Variants in DYM observed in about 807,000 individuals in gnomAD.
DYM encodes the protein dymeclin, also known as dyggve-Melchior-Clausen syndrome protein.
In DYM, 78 loss-of-function variants were observed where a neutral mutation model predicts 93.1. That is an observed-to-expected ratio of 0.84 (90% CI 0.70 to 1.01). The LOEUF (loss-of-function observed/expected upper bound fraction) is 1.01, where lower values mean the gene tolerates loss of function less well. Ranked by LOEUF, DYM falls within the 50% of genes least tolerant of loss-of-function variation. DYM has a pLI of 0.00. For synonymous variants in DYM, 321 were observed against 319.7 expected, an observed-to-expected ratio of 1.00 and a Z score of -0.04; for missense variants, 789 against 845.0, an observed-to-expected ratio of 0.93 and a Z score of 0.82.
intron 16 of DYM, among the ~76,000 whole-genome samples, chr18:49,108,354 C>T (rs910525942): frequency 3.3e-5 from 5 of 152,226 alleles, no homozygotes; most frequent in South Asian, 2.1e-4. Context: ...TTGTGCTTCC[C>T]GGGTGAGGCA....
intron 8 of DYM, among the ~76,000 whole-genome samples, chr18:49,292,347 G>GACACACACACAC (rs1389526313): frequency 2.9e-5 from 2 of 68,388 alleles, no homozygotes; most frequent in African/African-American, 8.4e-5. Context: ...CAGACAGACA[G>GACACACACACAC]ACAGACAGAC....
chr18:49,267,547 G>A (rs1375201053), intron 11 of DYM, among the ~76,000 whole-genome samples: 1 of 152,174 alleles, frequency 6.6e-6, no homozygotes, highest in African/African-American at 2.4e-5. Context: ...CTATTCAAGA[G>A]CAAGATGAGC....
In DYM at chr18:49,421,458, A is replaced by T. The variant is rs531749043; in HGVS notation, c.140+8797T>A. Among the ~76,000 whole-genome samples, 13 of 152,148 alleles carry T rather than the reference A, an allele frequency of 8.5e-5. No homozygotes were observed. The South Asian group carries it at 2.1e-3, about 24-fold the overall frequency. ...GGTCCTGACTGTTAGAAGGAAAACT[A>T]ACAAACAGAAAGGACATCCACACCA... On this transcript the variant is annotated intron_variant, in intron 2 of 17. Transcript: ENST00000675505.
chr18:49,243,404 C>G (rs1033772565), intron 13 of DYM, among the ~76,000 whole-genome samples: 1 of 152,126 alleles, frequency 6.6e-6, no homozygotes, highest in Non-Finnish European at 1.5e-5. Flanking sequence ...GTGGCTCACG[C>G]TTGTAATATG....
chr18:49,121,681 C>CA (rs1402544557), intron 15 of DYM, among the ~76,000 whole-genome samples: 7 of 151,928 alleles, frequency 4.6e-5, no homozygotes, highest in Non-Finnish European at 8.8e-5. Context: ...CAAAACAAAA[C>CA]AAAAAAACCC....
rs182181967 is a variant in DYM, at chr18:49,459,776, G to A, written c.-54+622C>T. On this transcript the variant is annotated intron_variant, in intron 1 of 17. Coordinates refer to ENST00000675505, the MANE Select transcript of DYM (RefSeq NM_001353214.3). ...ACCAATACCCTCAAACCCCACTACTGCCCCCAGTTCACAAACACCCACCCT... is the reference window on the plus strand; with the variant it reads ...ACCAATACCCTCAAACCCCACTACTACCCCCAGTTCACAAACACCCACCCT... Among the ~76,000 whole-genome samples, 574 of 152,034 alleles carry A rather than the reference G, an allele frequency of 3.8e-3. 2 individuals are homozygous for A. The highest frequency in any genetic ancestry group is 6.3e-3 in the Non-Finnish European group (430 of 67,986).
chr18:49,239,592 T>C (rs2093964500), intron 13 of DYM, among the ~76,000 whole-genome samples: 1 of 152,222 alleles, frequency 6.6e-6, no homozygotes, highest in African/African-American at 2.4e-5. Flanking sequence ...ATGTCCCCTC[T>C]TGGGAACCTG....
chr18:49,085,364 G>A (rs972091103), intron 17 of DYM, among the ~76,000 whole-genome samples: 5 of 152,234 alleles, frequency 3.3e-5, no homozygotes, highest in African/African-American at 1.2e-4. Context: ...ATGCTTTGAT[G>A]TGCAAAGATC....
chr18:49,216,313 T>G (rs1043394457), intron 13 of DYM, among the ~76,000 whole-genome samples: 1 of 152,196 alleles, frequency 6.6e-6, no homozygotes, highest in African/African-American at 2.4e-5. Context: ...AGGCTCCACC[T>G]CTGGGGGCAA....
chr18:49,353,430 G>A (rs1484358954), intron 6 of DYM, among the ~76,000 whole-genome samples: 1 of 151,900 alleles, frequency 6.6e-6, no homozygotes, highest in Non-Finnish European at 1.5e-5. Flanking sequence ...GATAATACAA[G>A]TAAGAAGAGA....
intron 1 of DYM, among the ~76,000 whole-genome samples, chr18:49,435,633 C>G (rs1019538573): frequency 4.0e-5 from 6 of 151,796 alleles, no homozygotes; most frequent in African/African-American, 1.5e-4. Context: ...ACTAAAAATA[C>G]AAAAAATTAG....
intron 1 of DYM, among the ~76,000 whole-genome samples, chr18:49,436,208 G>A (rs933583484): frequency 1.3e-4 from 19 of 151,996 alleles, no homozygotes; most frequent in African/African-American, 1.9e-4. Context: ...AGAGATGGGC[G>A]TCTTGCTATG....
intron 15 of DYM, among the ~76,000 whole-genome samples, chr18:49,144,066 A>T (rs931824991): frequency 1.3e-5 from 2 of 152,174 alleles, no homozygotes; most frequent in Admixed American, 6.5e-5. Context: ...ATTAGGTTTT[A>T]AAAAAAGTTT....
intron 2 of DYM, among the ~76,000 whole-genome samples, chr18:49,418,568 G>A (rs986048153): frequency 2.0e-5 from 3 of 152,112 alleles, no homozygotes; most frequent in Admixed American, 1.3e-4. Context: ...GATTAGATTC[G>A]TCCTAAAGGC....
At chr18:49,271,683 T>A (rs56205725) in intron 11 of DYM, among the ~76,000 whole-genome samples, 56,086 of 150,538 alleles carry the variant, frequency 0.37, 12,391 homozygotes, top group Middle Eastern at 0.58. Context: ...AAAAATAAAA[T>A]AAAAAAATGC....
chr18:49,170,093 C>G (rs1181555163), intron 14 of DYM, among the ~76,000 whole-genome samples: 1 of 152,126 alleles, frequency 6.6e-6, no homozygotes. Flanking sequence ...AAATTAATAA[C>G]AGTAGCAGCA....
intron 8 of DYM, among the ~76,000 whole-genome samples, chr18:49,288,529 A>G (rs2059811134): frequency 6.6e-6 from 1 of 152,212 alleles, no homozygotes; most frequent in African/African-American, 2.4e-5. Flanking sequence ...CTGTAATCCC[A>G]GCACTTTGGG....
chr18:49,394,725 T>C (rs959855096), intron 2 of DYM, among the ~76,000 whole-genome samples: 2 of 152,242 alleles, frequency 1.3e-5, no homozygotes, highest in African/African-American at 4.8e-5. Context: ...CTTATAGTTT[T>C]CATTGCAGAG....
chr18:49,109,775 C>T (rs1489255607), intron 16 of DYM, among the ~76,000 whole-genome samples: 3 of 152,334 alleles, frequency 2.0e-5, no homozygotes, highest in Admixed American at 2.0e-4. Flanking sequence ...GGTCAGTAAC[C>T]ATGCCTATCT....
Sources: allele counts gnomAD v4.1 joint callset (sites outside exome capture counted in the v4.1 genomes callset), GRCh38; gene constraint gnomAD v4.1.1; transcripts MANE v1.5; gene names NCBI Gene and HGNC (gene_info 2026-07-23, HGNC 2026-07-21).